Variants in CRYAB observed in about 807,000 individuals in gnomAD.
CRYAB encodes the protein crystallin alpha B.
In CRYAB, 9 loss-of-function variants were observed where a neutral mutation model predicts 12.7. The observed-to-expected ratio is 0.71, with a 90% CI of 0.43 to 1.24. The LOEUF (loss-of-function observed/expected upper bound fraction) is 1.24, where lower values mean the gene tolerates loss of function less well. CRYAB is among the 50% of genes most tolerant of loss of function. CRYAB has a pLI of 0.00. For synonymous variants in CRYAB, 93 were observed against 86.8 expected (o/e 1.07, Z -0.40); for missense variants, 183 against 226.6 (o/e 0.81, Z 1.24).
At position 111,911,690 on chromosome 11, in the gene CRYAB, C is replaced by A. The variant is rs930811941; in HGVS notation, c.35G>T (p.Arg12Leu). 8.1e-6 allele frequency: 13 copies of A among 1,600,842 alleles called. No individual in the cohort carries two copies. The highest frequency in any genetic ancestry group is 1.1e-5 in the Non-Finnish European group (13 of 1,173,992). The change falls in exon 1 of 3, where the codon CGC (arginine) becomes CTC (leucine). Residue 12 changes from arginine (R) to leucine (L), a missense_variant. This residue lies in a region of CRYAB where 86 missense variants were observed against 96.1 expected (regional missense o/e 0.89). Transcript: ENST00000650687. Reference sequence around the variant, plus strand: ...GGGGGAGTGGAAAGGAAAGAAGGGGCGGCGGATCCAGGGGTGGTGGATGGC... The same window carrying A: ...GGGGGAGTGGAAAGGAAAGAAGGGGAGGCGGATCCAGGGGTGGTGGATGGC... ...DIAIHHPWIRRPFFPFHSPSR... is the reference protein window; with the variant it reads ...DIAIHHPWIRLPFFPFHSPSR...
At chr11:111,910,787 A>G in intron 1 of CRYAB, 1 of 392,322 alleles carries the variant, frequency 2.5e-6, no homozygotes, top group Non-Finnish European at 4.8e-6. Context: ...TGTGAGACAA[A>G]GGCCTCTTCT....
chr11:111,918,309 T>G (rs1965628577), upstream of CRYAB: 1 of 168,876 alleles, frequency 5.9e-6, no homozygotes, highest in African/African-American at 2.4e-5. Context: ...GATCATAGAA[T>G]CATCTGATTT....
At chr11:111,914,651 C>T (rs1555166019), upstream of CRYAB, among the ~76,000 whole-genome samples, 2 of 152,130 alleles carry the variant, frequency 1.3e-5, no homozygotes, top group South Asian at 2.1e-4. Flanking sequence ...GAGGTCTGTC[C>T]CCTCAGTTAT....
Position 111,910,315 on chromosome 11 carries a change from C to G in CRYAB, c.324+12G>C. 3 of 1,614,150 alleles carry G rather than the reference C, an allele frequency of 1.9e-6. No homozygotes were observed. Among genetic ancestry groups the G allele is most frequent in the African/African-American group, 1.3e-5 (1 of 75,046 alleles). On this transcript the variant is annotated intron_variant, in intron 2 of 2. Transcript: ENST00000650687. ...AATGAATGAGCAGAAAACAAAAAAA[C>G]AAGCTACATACCTGGCGCTCTTCAT...
At chr11:111,913,324 A>T, upstream of CRYAB, 1 of 755,810 alleles carries the variant, frequency 1.3e-6, no homozygotes. Context: ...CCCGTTCCCT[A>T]CTCCTCCTGA....
At chr11:111,921,907 G>A (rs1271701001) in intron 1 of CRYAB, among the ~76,000 whole-genome samples, 4 of 151,604 alleles carry the variant, frequency 2.6e-5, no homozygotes, top group Middle Eastern at 3.2e-3. Context: ...ATCTTGGCTC[G>A]CTGCAACCTT....
intron 1 of CRYAB, chr11:111,910,702 G>A (rs1021708647): frequency 3.6e-6 from 2 of 553,256 alleles, no homozygotes; most frequent in Non-Finnish European, 6.5e-6. Context: ...TCACCCAGGG[G>A]ACCAGTCGCA....
At chr11:111,916,771 T>A (rs587594731), upstream of CRYAB, among the ~76,000 whole-genome samples, 8 of 152,350 alleles carry the variant, frequency 5.3e-5, no homozygotes, top group Non-Finnish European at 7.3e-5. Context: ...CACAATGGTC[T>A]ATTCCTCTAT....
At position 111,923,701 on chromosome 11, in the gene CRYAB, A is replaced by G. The variant is rs587670202; in HGVS notation, c.-199+2T>C. The G allele has an allele frequency of 6.6e-6, 1 of 152,352 alleles. No individual in the cohort carries two copies. The highest frequency in any genetic ancestry group is 1.9e-4 in the East Asian group (1 of 5,192). The allele number at this position is 152,352 out of a possible 1,614,324, so 9.4% of individuals were successfully genotyped here. A position where few individuals can be genotyped will look rare whatever the true frequency, so the allele number is the denominator to read the frequency against. ...TGAGGGCAGGATAGCTGAGTCACTCACCAAATTCAGTGCTCCCTGTTCTGT... is the reference window on the plus strand; with the variant it reads ...TGAGGGCAGGATAGCTGAGTCACTCGCCAAATTCAGTGCTCCCTGTTCTGT... On this transcript the variant is annotated splice_donor_variant, in intron 1 of 3. Coordinates refer to the CRYAB transcript ENST00000527950. LOFTEE classifies it low-confidence loss of function (5UTR_SPLICE).
intron 2 of CRYAB, 35 bp from the exon 3 acceptor site, chr11:111,909,002 TAAG>T (rs1566403357): frequency 6.2e-7 from 1 of 1,609,768 alleles, no homozygotes; most frequent in East Asian, 2.2e-5. Context: ...GGCAGAGAGA[TAAG>T]AACAGGAACT....
At chr11:111,916,782 T>A (rs782782622), upstream of CRYAB, among the ~76,000 whole-genome samples, 1 of 152,198 alleles carries the variant, frequency 6.6e-6, no homozygotes, top group Non-Finnish European at 1.5e-5. Flanking sequence ...ATTCCTCTAT[T>A]GATTTCTTTG....
chr11:111,920,520 A>G (rs1164022810), intron 1 of CRYAB, among the ~76,000 whole-genome samples: 1 of 151,998 alleles, frequency 6.6e-6, no homozygotes, highest in African/African-American at 2.4e-5. Flanking sequence ...ACTGGGCAAC[A>G]GAGCGAGACT....
upstream of CRYAB, chr11:111,912,015 A>ACC (rs1555165661): frequency 2.6e-6 from 1 of 380,932 alleles, no homozygotes; most frequent in African/African-American, 2.0e-5. Context: ...AATGGCACCC[A>ACC]CCCCCACCCC....
intron 1 of CRYAB, among the ~76,000 whole-genome samples, chr11:111,922,710 C>T (rs1183638350): frequency 6.6e-6 from 1 of 152,084 alleles, no homozygotes; most frequent in Non-Finnish European, 1.5e-5. Flanking sequence ...AATCATGGAC[C>T]TTCAGAGTAT....
At chr11:111,918,912 C>A in intron 1 of CRYAB, 7 of 1,604,184 alleles carry the variant, frequency 4.4e-6, no homozygotes, top group Non-Finnish European at 6.0e-6. Context: ...ACCAGGAACC[C>A]GGAAATGCAC....
At chr11:111,918,231 A>G (rs1293563153), upstream of CRYAB, 10 of 153,508 alleles carry the variant, frequency 6.5e-5, no homozygotes, top group African/African-American at 1.7e-4. Context: ...TTGAGGGGTA[A>G]GTGGAGAATC....
chr11:111,917,173 G>A (rs1368388511), upstream of CRYAB, among the ~76,000 whole-genome samples: 1 of 152,194 alleles, frequency 6.6e-6, no homozygotes, highest in Non-Finnish European at 1.5e-5. Context: ...AAACCCAGCT[G>A]CTTAGGTGCT....
intron 1 of CRYAB, chr11:111,918,969 C>T: frequency 1.2e-6 from 2 of 1,614,112 alleles, no homozygotes; most frequent in South Asian, 1.1e-5. Flanking sequence ...GGAGACAGAG[C>T]GCCATGGGAA....
intron 1 of CRYAB, among the ~76,000 whole-genome samples, chr11:111,911,124 C>A (rs1400583790): frequency 6.6e-6 from 1 of 152,164 alleles, no homozygotes; most frequent in African/African-American, 2.4e-5. Flanking sequence ...GGATGAACAG[C>A]TCAGGATGAG....
Sources: allele counts gnomAD v4.1 joint callset (sites outside exome capture counted in the v4.1 genomes callset), GRCh38; gene constraint gnomAD v4.1.1; regional missense constraint gnomAD v4.1.1; transcripts MANE v1.5; gene names NCBI Gene and HGNC (gene_info 2026-07-23, HGNC 2026-07-21).